The following AVEN variants were observed in gnomAD, a reference collection of about 807,000 sequenced individuals.
AVEN encodes the protein cell death regulator Aven.
AVEN carries 41 observed loss-of-function variants against 38.1 expected under a neutral mutation model. The observed-to-expected ratio is 1.08, with a 90% CI of 0.84 to 1.40. The LOEUF is 1.40. Among genes scored for constraint, AVEN ranks in the 40% most tolerant of loss-of-function variants. The probability of loss-of-function intolerance (pLI) is 0.00; values close to 1 mark genes in which losing one functional copy is unlikely to be tolerated. For synonymous variants in AVEN, 206 were observed against 171.8 expected, an observed-to-expected ratio of 1.20 and a Z score of -1.56; for missense variants, 605 against 438.8, an observed-to-expected ratio of 1.38 and a Z score of -3.38.
intron 2 of AVEN, among the ~76,000 whole-genome samples, chr15:34,000,674 T>A (rs180816787): frequency 3.9e-5 from 6 of 152,178 alleles, no homozygotes; most frequent in Non-Finnish European, 8.8e-5. Context: ...GAGAATGAAG[T>A]TGACCTCTCG....
At position 34,063,554 on chromosome 15, in the gene AVEN, C is replaced by T; in HGVS notation, n.1127-122G>A. 6.2e-7 allele frequency: 1 copy of T among 1,613,634 alleles called. No individual in the cohort carries two copies. Among genetic ancestry groups the T allele is most frequent in the Non-Finnish European group, 8.5e-7 (1 of 1,180,014 alleles). ...GGTCATCCTCCCGCAGGAGCACCTC[C>T]ACCACTGGGAAGCCATCCCAAGCCA... On this transcript the variant is annotated intron_variant and non_coding_transcript_variant, in intron 4 of 11. Coordinates refer to the AVEN transcript ENST00000675287. This position sits in a 1 kb window ranked among gnomAD's most constrained non-coding sequence, Gnocchi z 4.1.
intron 2 of AVEN, among the ~76,000 whole-genome samples, chr15:33,897,868 A>ACT (rs1350146768): frequency 6.8e-6 from 1 of 147,724 alleles, no homozygotes; most frequent in African/African-American, 2.5e-5. Context: ...GGTGACAAAG[A>ACT]CTCTGTATCT....
downstream of AVEN, chr15:33,865,466 C>G (rs1185654538): frequency 4.3e-6 from 2 of 460,152 alleles, no homozygotes; most frequent in African/African-American, 3.9e-5. Context: ...ATCAAGTAAT[C>G]TCTAGGCAAA....
chr15:33,952,269 TATAG>T (rs1417350581), intron 2 of AVEN, among the ~76,000 whole-genome samples: 1 of 152,130 alleles, frequency 6.6e-6, no homozygotes, highest in Non-Finnish European at 1.5e-5. Context: ...GGTTCAAAGG[TATAG>T]ATAGAGGGAG....
chr15:33,995,169 C>CA (rs1328135809), intron 2 of AVEN, among the ~76,000 whole-genome samples: 2 of 152,224 alleles, frequency 1.3e-5, no homozygotes, highest in South Asian at 2.1e-4. Context: ...GAGGCTGGGG[C>CA]AGGAGGATTG....
downstream of AVEN, chr15:33,865,740 C>A (rs1044802069): frequency 6.5e-6 from 1 of 153,364 alleles, no homozygotes; most frequent in Non-Finnish European, 1.5e-5. Flanking sequence ...AGAAAAAAAC[C>A]GACACTTTGT....
intron 1 of AVEN, among the ~76,000 whole-genome samples, chr15:34,023,466 G>A (rs2684931): frequency 0.63 from 95,371 of 152,048 alleles, 34,933 homozygotes; most frequent in Non-Finnish European, 0.82. Flanking sequence ...GAGCTCAGGC[G>A]CAGCCCACCT....
intron 2 of AVEN, among the ~76,000 whole-genome samples, chr15:33,889,830 GCTT>G (rs1223246656): frequency 1.3e-5 from 2 of 152,172 alleles, no homozygotes; most frequent in African/African-American, 2.4e-5. Context: ...AGCAGCTGTG[GCTT>G]CTTGTCACAG....
chr15:34,063,451 C>T lies in AVEN; in HGVS notation n.1127-19G>A, dbSNP rs1900416935. ...ACCAAAGCTGAGAAGAGAAAGCCAGCTCATAGGGCTCTGTTCAGATCCTGC... is the reference window on the plus strand; with the variant it reads ...ACCAAAGCTGAGAAGAGAAAGCCAGTTCATAGGGCTCTGTTCAGATCCTGC... On this transcript the variant is annotated intron_variant and non_coding_transcript_variant, in intron 4 of 11. Transcript: ENST00000675287. This position sits in a 1 kb window ranked among gnomAD's most constrained non-coding sequence, Gnocchi z 4.1. The T allele has an allele frequency of 6.2e-7, 1 of 1,613,870 alleles. No individual in the cohort carries two copies. The highest frequency in any genetic ancestry group is 8.5e-7 in the Non-Finnish European group (1 of 1,180,040).
the AVEN span, chr15:33,853,707 T>A: frequency 1.2e-6 from 2 of 1,606,804 alleles, no homozygotes; most frequent in Non-Finnish European, 1.7e-6. Context: ...GGAGTTCAAA[T>A]CCAAAGCAGC....
downstream of AVEN, chr15:33,857,929 A>C (rs1178782053): frequency 2.9e-6 from 4 of 1,380,050 alleles, no homozygotes; most frequent in Non-Finnish European, 3.9e-6. Flanking sequence ...GAGCCCACCC[A>C]CTGCGGGGCC....
chr15:33,866,807 T>G (rs902993067), intron 5 of AVEN, 79 bp from the exon 6 acceptor site: 1 of 998,808 alleles, frequency 1.0e-6, no homozygotes, highest in Non-Finnish European at 1.5e-6. Flanking sequence ...TTTATTACTT[T>G]CCTTACAACA....
downstream of AVEN, chr15:33,864,083 C>G (rs11072759): frequency 0.7 from 925,128 of 1,329,790 alleles, 334,812 homozygotes; most frequent in Non-Finnish European, 0.75. Context: ...TTAATCCATG[C>G]GAATGAACTT....
intron 5 of AVEN, among the ~76,000 whole-genome samples, chr15:34,060,470 T>C (rs760911166): frequency 5.3e-5 from 8 of 152,168 alleles, no homozygotes; most frequent in Non-Finnish European, 1.0e-4. Context: ...CTTTGCAAAT[T>C]TGTCACCTTT....
chr15:34,063,312 A>G lies in AVEN; in HGVS notation n.1247T>C, dbSNP rs779710796. On this transcript the variant is annotated non_coding_transcript_exon_variant, in exon 5 of 12. Transcript: ENST00000675287. The surrounding 1 kb of genome is among the most constrained non-coding windows in gnomAD (Gnocchi z 4.1). ...GCCCACCATCACTTTTGGCACTGCC[A>G]TTGCTGCCTTCTACATCCCTGTTTC... is the stretch of plus-strand genomic sequence containing the variant. 13 of 1,614,014 alleles carry G rather than the reference A, an allele frequency of 8.1e-6. No individual in the cohort carries two copies. The Admixed American group carries it at 1.2e-4, about 14-fold the overall frequency.
At chr15:34,050,079 G>A (rs1035172045) in intron 5 of AVEN, among the ~76,000 whole-genome samples, 4 of 151,696 alleles carry the variant, frequency 2.6e-5, no homozygotes, top group Non-Finnish European at 4.4e-5. Flanking sequence ...GTAGAGATGG[G>A]GTTTCACCTT....
At position 34,063,527 on chromosome 15, in the gene AVEN, C is replaced by T. The variant is rs754649291; in HGVS notation, n.1127-95G>A. ...CCCAGCGGGAAAGGAACCAGGCCTC[C>T]TGGTCATCCTCCCGCAGGAGCACCT... On this transcript the variant is annotated intron_variant and non_coding_transcript_variant, in intron 4 of 11. Coordinates refer to the AVEN transcript ENST00000675287. This position sits in a 1 kb window ranked among gnomAD's most constrained non-coding sequence, Gnocchi z 4.1. 7.4e-6 allele frequency: 12 copies of T among 1,613,600 alleles called. No homozygotes were observed. The South Asian group carries it at 1.2e-4, about 16-fold the overall frequency.
intron 2 of AVEN, among the ~76,000 whole-genome samples, chr15:34,070,134 C>T (rs28453263): frequency 0.079 from 12,001 of 152,240 alleles, 737 homozygotes; most frequent in East Asian, 0.31. Flanking sequence ...AAATGAGTGC[C>T]AGCAGGGAAA....
chr15:33,863,140 T>C (rs948642168), downstream of AVEN, among the ~76,000 whole-genome samples: 27 of 152,170 alleles, frequency 1.8e-4, no homozygotes, highest in Non-Finnish European at 3.4e-4. Context: ...TTCCTATCTC[T>C]ATCCCCTCTA....
Sources: gnomAD v4.1 joint callset for allele counts (sites outside exome capture counted in the v4.1 genomes callset) on GRCh38, gnomAD v4.1.1 for gene constraint, Gnocchi (gnomAD v3.1) non-coding constraint, MANE v1.5 for transcripts, NCBI Gene and HGNC (gene_info 2026-07-23, HGNC 2026-07-21) for gene names.